Variants in SPAG16 observed in about 807,000 individuals in gnomAD.
SPAG16 encodes the protein sperm-associated antigen 16 protein.
Under a neutral mutation model 80.4 loss-of-function variants are expected in SPAG16, and 86 were observed. That is an observed-to-expected ratio of 1.07 (90% confidence interval 0.90 to 1.28). The LOEUF (loss-of-function observed/expected upper bound fraction) is 1.28, where lower values mean the gene tolerates loss of function less well. Ranked by LOEUF, SPAG16 falls within the 50% of genes most tolerant of loss-of-function variation. The pLI is 0.00. For synonymous variants in SPAG16, 294 were observed against 265.9 expected (o/e 1.11, Z -1.03); for missense variants, 870 against 765.3 (o/e 1.14, Z -1.61).
At chr2:214,280,422 T>C (rs1156525426) in intron 15 of SPAG16, among the ~76,000 whole-genome samples, 1 of 152,186 alleles carries the variant, frequency 6.6e-6, no homozygotes, top group African/African-American at 2.4e-5. Flanking sequence ...ATAACAACTT[T>C]GAAAAAGAAC....
At chr2:214,302,336 G>T (rs2125957230) in intron 15 of SPAG16, among the ~76,000 whole-genome samples, 1 of 152,264 alleles carries the variant, frequency 6.6e-6, no homozygotes, top group Non-Finnish European at 1.5e-5. Flanking sequence ...TTTCTTTGTT[G>T]ATTTCTGCCT....
intron 15 of SPAG16, among the ~76,000 whole-genome samples, chr2:214,279,103 CTTTT>C (rs35554459): frequency 1.6e-5 from 2 of 128,236 alleles, no homozygotes; most frequent in Non-Finnish European, 3.3e-5. Flanking sequence ...ATGAAACAAG[CTTTT>C]TTTTTTTTTT....
chr2:213,679,584 T>C (rs892608223), intron 10 of SPAG16, among the ~76,000 whole-genome samples: 1 of 152,200 alleles, frequency 6.6e-6, no homozygotes, highest in Non-Finnish European at 1.5e-5. Flanking sequence ...TATTTTGTTC[T>C]AACTGTATTT....
At chr2:213,938,087 A>G (rs542685522) in intron 12 of SPAG16, among the ~76,000 whole-genome samples, 2 of 151,960 alleles carry the variant, frequency 1.3e-5, no homozygotes, top group African/African-American at 4.8e-5. Flanking sequence ...GAAACTAAAG[A>G]TATTCTGATA....
At chr2:213,811,759 T>A (rs1214441498) in intron 10 of SPAG16, among the ~76,000 whole-genome samples, 4 of 152,160 alleles carry the variant, frequency 2.6e-5, no homozygotes, top group African/African-American at 9.7e-5. Flanking sequence ...ATAATTTATA[T>A]ATTTTCTTTA....
intron 10 of SPAG16, among the ~76,000 whole-genome samples, chr2:213,690,526 A>G (rs2125293293): frequency 6.6e-6 from 1 of 152,296 alleles, no homozygotes; most frequent in South Asian, 2.1e-4. Context: ...ATGGCTGATG[A>G]AGCATGTTAA....
intron 14 of SPAG16, among the ~76,000 whole-genome samples, chr2:214,137,703 A>T (rs1431733514): frequency 6.6e-6 from 1 of 152,130 alleles, no homozygotes; most frequent in African/African-American, 2.4e-5. Flanking sequence ...CTAACTAGGT[A>T]ATTTTAGGGA....
At chr2:213,735,649 G>A (rs1157913247) in intron 10 of SPAG16, among the ~76,000 whole-genome samples, 1 of 152,078 alleles carries the variant, frequency 6.6e-6, no homozygotes, top group East Asian at 1.9e-4. Context: ...TTTTAGCCAC[G>A]TTCCTCTCAC....
At chr2:213,495,514 C>T (rs112514788) in intron 10 of SPAG16, among the ~76,000 whole-genome samples, 92 of 152,276 alleles carry the variant, frequency 6.0e-4, no homozygotes, top group Middle Eastern at 3.4e-3. Context: ...TTATTGAACA[C>T]GTGTCAGGCA....
intron 15 of SPAG16, among the ~76,000 whole-genome samples, chr2:214,162,714 G>C (rs1370621264): frequency 6.6e-6 from 1 of 151,872 alleles, no homozygotes; most frequent in Non-Finnish European, 1.5e-5. Context: ...TTTTGTTGCC[G>C]TGATGTTCTA....
At chr2:213,358,564 T>C (rs550631692) in intron 7 of SPAG16, among the ~76,000 whole-genome samples, 1 of 152,342 alleles carries the variant, frequency 6.6e-6, no homozygotes, top group Non-Finnish European at 1.5e-5. Context: ...CTGAAGCTTG[T>C]GCATGCATCA....
chr2:213,419,023 A>G (rs1161991876), intron 9 of SPAG16, among the ~76,000 whole-genome samples: 1 of 152,242 alleles, frequency 6.6e-6, no homozygotes, highest in Non-Finnish European at 1.5e-5. Flanking sequence ...CTGCTATGCT[A>G]CAGGAGTAGT....
At chr2:213,565,165 T>C (rs1249278897) in intron 10 of SPAG16, among the ~76,000 whole-genome samples, 2 of 152,222 alleles carry the variant, frequency 1.3e-5, no homozygotes, top group Non-Finnish European at 2.9e-5. Context: ...TTAATTTGTT[T>C]ACCTTCTCTT....
intron 10 of SPAG16, among the ~76,000 whole-genome samples, chr2:213,691,887 A>G (rs2064958049): frequency 6.6e-6 from 1 of 152,238 alleles, no homozygotes; most frequent in Non-Finnish European, 1.5e-5. Context: ...ATTTCAATAA[A>G]TATTTGTAAA....
At chr2:213,836,287 GT>G (rs1280272412) in intron 10 of SPAG16, among the ~76,000 whole-genome samples, 2 of 149,206 alleles carry the variant, frequency 1.3e-5, no homozygotes, top group African/African-American at 4.9e-5. Context: ...CCAGGAATAT[GT>G]TAAACTAAAA....
intron 10 of SPAG16, among the ~76,000 whole-genome samples, chr2:213,805,330 C>T (rs2071699231): frequency 1.3e-5 from 2 of 151,960 alleles, no homozygotes; most frequent in Non-Finnish European, 2.9e-5. Context: ...AGAGAAAGAC[C>T]AGATTGGTGG....
chr2:213,938,811 G>T (rs998488168), intron 12 of SPAG16, among the ~76,000 whole-genome samples: 1 of 151,836 alleles, frequency 6.6e-6, no homozygotes, highest in East Asian at 1.9e-4. Flanking sequence ...TTTTCTTATT[G>T]TTAAACTTAC....
chr2:213,302,258 T>G (rs538811763), intron 3 of SPAG16, among the ~76,000 whole-genome samples: 2 of 152,274 alleles, frequency 1.3e-5, no homozygotes, highest in East Asian at 3.9e-4. Flanking sequence ...TTCTGTGGTG[T>G]TTTGTTAACC....
intron 15 of SPAG16, among the ~76,000 whole-genome samples, chr2:214,170,534 T>C (rs1361643116): frequency 6.6e-6 from 1 of 151,618 alleles, no homozygotes; most frequent in Non-Finnish European, 1.5e-5. Context: ...CTGGGTTGTA[T>C]ATACATAAAA....
Sources: gnomAD v4.1 joint callset for allele counts (sites outside exome capture counted in the v4.1 genomes callset) on GRCh38, gnomAD v4.1.1 for gene constraint, MANE v1.5 for transcripts, NCBI Gene and HGNC (gene_info 2026-07-23, HGNC 2026-07-21) for gene names.